Variants in LVRN observed in about 807,000 individuals in gnomAD.
LVRN encodes the protein aminopeptidase Q.
LVRN carries 99 observed loss-of-function variants against 111.4 expected under a neutral mutation model. The observed-to-expected ratio is 0.89, with a 90% CI of 0.76 to 1.05. The LOEUF (loss-of-function observed/expected upper bound fraction) is 1.05. Among genes scored for constraint, LVRN ranks in the 50% least tolerant of loss-of-function variants. The probability of loss-of-function intolerance (pLI) is 0.00; values close to 1 mark genes in which losing one functional copy is unlikely to be tolerated. For synonymous variants in LVRN, 488 were observed against 449.5 expected (o/e 1.09, Z -1.08); for missense variants, 1,414 against 1,206.8 (o/e 1.17, Z -2.54).
chr5:115,969,490 T>C (rs1265925555), intron 1 of LVRN, among the ~76,000 whole-genome samples: 1 of 152,146 alleles, frequency 6.6e-6, no homozygotes, highest in Non-Finnish European at 1.5e-5. Flanking sequence ...TCCAGTGAAA[T>C]TGTCATTTAA....
rs138648393 is a variant in LVRN at position 115,990,569 on chromosome 5, A to G, written c.1106-1554A>G. 3.1e-4 allele frequency among the ~76,000 whole-genome samples: 47 copies of G among 152,112 alleles called. 1 individual carries two copies. In the East Asian group the frequency reaches 8.3e-3, roughly 27 times the overall value. On this transcript the variant is annotated intron_variant, in intron 4 of 19. Coordinates refer to ENST00000357872, the MANE Select transcript of LVRN (RefSeq NM_173800.5). ...TGTATTTTGGTGAACTAAAGTATTT[A>G]TTTTTATGTATTCATTTTTTGAGAC...
chr5:115,975,077 A>C, intron 1 of LVRN: 1 of 330,516 alleles, frequency 3.0e-6, no homozygotes, highest in Non-Finnish European at 5.9e-6. Flanking sequence ...ACTAAACTTA[A>C]TGGCAACCAG....
chr5:115,968,296 A>T (rs1191981447), intron 1 of LVRN, among the ~76,000 whole-genome samples: 1 of 152,124 alleles, frequency 6.6e-6, no homozygotes, highest in South Asian at 2.1e-4. Flanking sequence ...TTTCTTTTGC[A>T]TGAATGCATG....
At chr5:115,963,351 C>A in intron 1 of LVRN, 39 bp downstream of exon 1, 2 of 1,487,042 alleles carry the variant, frequency 1.3e-6, no homozygotes, top group South Asian at 1.4e-5. Context: ...TCGGCCCCCG[C>A]CCCTGCGTCC....
chr5:115,970,150 GA>G (rs984933852), intron 1 of LVRN, among the ~76,000 whole-genome samples: 1 of 152,092 alleles, frequency 6.6e-6, no homozygotes, highest in Admixed American at 6.6e-5. Context: ...ATGTGGTGGT[GA>G]AACCATCACT....
chr5:116,012,631 C>G (rs1192183708), intron 15 of LVRN, among the ~76,000 whole-genome samples, 163 bp downstream of exon 15: 2 of 152,162 alleles, frequency 1.3e-5, no homozygotes, highest in Admixed American at 1.3e-4. Flanking sequence ...TACATGTATT[C>G]TAACAGAAGT....
chr5:116,000,961 A>T, intron 9 of LVRN, 106 bp from the exon 10 acceptor site: 1 of 1,291,526 alleles, frequency 7.7e-7, no homozygotes, highest in Non-Finnish European at 1.1e-6. Context: ...CAGGACTACT[A>T]CATAAGTGAG....
rs552401937 is a variant in LVRN, at chr5:116,010,840, A to T, written c.2193A>T (p.Val731=). The T allele has an allele frequency of 6.2e-7, 1 of 1,611,930 alleles. No individual in the cohort carries two copies. Among genetic ancestry groups the T allele is most frequent in the South Asian group, 1.1e-5 (1 of 90,774 alleles). ...GGCATACAGTCTTGGTAAACTTGGTAACCAGGGATCTTGTTTCTGAGGTGA... is the reference window on the plus strand; with the variant it reads ...GGCATACAGTCTTGGTAAACTTGGTTACCAGGGATCTTGTTTCTGAGGTGA... The part of the protein sequence containing the change: ...IVWHTVLVNL[V]TRDLVSEVNI... Residue 731 remains valine (V), a synonymous_variant, in exon 14 of 20, where the codon GTA becomes GTT. Transcript: ENST00000357872.
rs1471938538 is a variant in LVRN, at chr5:115,962,972, G to A, written c.355G>A (p.Glu119Lys). 3 of 1,613,338 alleles carry A rather than the reference G, an allele frequency of 1.9e-6. No individual in the cohort carries two copies. The East Asian group carries it at 6.7e-5, about 36-fold the overall frequency. ...GCTGTGGCCGCAGCTGAGGCCCGACGAGCTTCCGGCCGGGTCTTTGCCCTT... is the reference window on the plus strand; with the variant it reads ...GCTGTGGCCGCAGCTGAGGCCCGACAAGCTTCCGGCCGGGTCTTTGCCCTT... ...LELWPQLRPD[E>K]LPAGSLPFTG... Residue 119 changes from glutamate (E) to lysine (K), a missense_variant, in exon 1 of 20, where the codon GAG becomes AAG. By Grantham distance (56) the Glu-to-Lys change is moderately conservative (BLOSUM62 1). Transcript: ENST00000357872.
intron 19 of LVRN, among the ~76,000 whole-genome samples, chr5:116,023,092 G>T (rs1166648479): frequency 6.6e-6 from 1 of 152,152 alleles, no homozygotes. Context: ...CATCCTTTAA[G>T]ATCCTGCTCC....
chr5:115,996,501 C>G (rs1214900711), intron 6 of LVRN, among the ~76,000 whole-genome samples: 2 of 152,126 alleles, frequency 1.3e-5, no homozygotes, highest in Non-Finnish European at 2.9e-5. Flanking sequence ...CTTAAGCTCT[C>G]CTTTCAATGA....
chr5:116,021,773 C>T (rs1160312511), intron 18 of LVRN: 1 of 435,594 alleles, frequency 2.3e-6, no homozygotes, highest in Non-Finnish European at 4.5e-6. Context: ...GCTGTTTTTT[C>T]ATAGCAATAC....
At chr5:116,011,650 A>G (rs1748491515) in intron 14 of LVRN, among the ~76,000 whole-genome samples, 2 of 152,192 alleles carry the variant, frequency 1.3e-5, no homozygotes, top group Non-Finnish European at 2.9e-5. Flanking sequence ...TCTTTTTCCT[A>G]GTGGCCGAAG....
chr5:116,025,616 C>A (rs1748846875), intron 19 of LVRN, among the ~76,000 whole-genome samples: 1 of 152,150 alleles, frequency 6.6e-6, no homozygotes, highest in East Asian at 1.9e-4. Flanking sequence ...GTTGCAGTTT[C>A]TTTTGAGATT....
chr5:115,980,068 T>C lies in LVRN; in HGVS notation c.696-3219T>C, dbSNP rs112591395. Among the ~76,000 whole-genome samples the C allele has an allele frequency of 5.2e-3, 792 of 152,224 alleles. 6 individuals are homozygous for C. Among genetic ancestry groups the C allele is most frequent in the African/African-American group, 0.016 (644 of 41,532 alleles). ...CCAGACAAGAGGGCAGGAAAGTTGC[T>C]CTGCAATACTGACCCACAAGGAGAC... On this transcript the variant is annotated intron_variant, in intron 1 of 19. Transcript: ENST00000357872.
At chr5:115,993,002 A>G (rs1356713282) in intron 5 of LVRN, among the ~76,000 whole-genome samples, 1 of 152,202 alleles carries the variant, frequency 6.6e-6, no homozygotes, top group African/African-American at 2.4e-5. Context: ...GCACAGTAAA[A>G]CAAACACAAT....
intron 12 of LVRN, 39 bp downstream of exon 12, chr5:116,003,419 AT>A (rs762989844): frequency 4.4e-5 from 55 of 1,256,582 alleles, no homozygotes; most frequent in Non-Finnish European, 3.0e-5. Flanking sequence ...AATATAATTT[AT>A]AATGCCTTCT....
intron 14 of LVRN, among the ~76,000 whole-genome samples, chr5:116,011,991 G>C (rs895858810): frequency 3.3e-5 from 5 of 152,004 alleles, no homozygotes; most frequent in East Asian, 3.9e-4. Context: ...TGGTAGAAAG[G>C]CTATTTTATA....
chr5:115,985,136 G>T (rs187147428), intron 3 of LVRN, among the ~76,000 whole-genome samples: 2 of 152,144 alleles, frequency 1.3e-5, no homozygotes, highest in Non-Finnish European at 2.9e-5. Flanking sequence ...AGGCATCAAC[G>T]AGTCAAAACG....
Sources: gnomAD v4.1 joint callset for allele counts (sites outside exome capture counted in the v4.1 genomes callset) on GRCh38, gnomAD v4.1.1 for gene constraint, MANE v1.5 for transcripts, NCBI Gene and HGNC (gene_info 2026-07-23, HGNC 2026-07-21) for gene names.